Variants in SNTB1 observed in about 807,000 individuals in gnomAD.
The protein encoded by SNTB1 is syntrophin beta 1.
A neutral mutation model predicts 48.9 loss-of-function variants in SNTB1; 36 were observed. The ratio of observed to expected loss-of-function variants is 0.74; its 90% CI spans 0.56 to 0.97. The LOEUF (loss-of-function observed/expected upper bound fraction) is 0.97. SNTB1 is among the 50% of genes least tolerant of loss of function. The pLI, the probability that SNTB1 is intolerant of heterozygous loss-of-function variation, is 0.00. For synonymous variants in SNTB1, 299 were observed against 294.6 expected, an observed-to-expected ratio of 1.01 and a Z score of -0.15; for missense variants, 786 against 703.4, an observed-to-expected ratio of 1.12 and a Z score of -1.33.
intron 1 of SNTB1, among the ~76,000 whole-genome samples, chr8:120,748,913 C>T (rs73710058): frequency 0.13 from 19,767 of 152,170 alleles, 1,669 homozygotes; most frequent in African/African-American, 0.23. Context: ...CTAAATTTTT[C>T]TCTTCTACAA....
chr8:120,649,363 G>C (rs1399285756), intron 2 of SNTB1, among the ~76,000 whole-genome samples: 2 of 140,322 alleles, frequency 1.4e-5, no homozygotes, highest in Non-Finnish European at 3.1e-5. Context: ...TGTCCTTTCT[G>C]TTTGTTAGTT....
At chr8:120,647,015 C>T (rs190126037) in intron 2 of SNTB1, among the ~76,000 whole-genome samples, 4,439 of 150,808 alleles carry the variant, frequency 0.029, 191 homozygotes, top group African/African-American at 0.096. Context: ...GGTGATATCC[C>T]CTTTATCATT....
intron 3 of SNTB1, among the ~76,000 whole-genome samples, chr8:120,581,699 A>G (rs966169646): frequency 1.3e-5 from 2 of 152,212 alleles, no homozygotes; most frequent in African/African-American, 4.8e-5. Context: ...ATGGCAAGAA[A>G]AATATGGTCT....
chr8:120,561,224 G>A (rs936003984), intron 4 of SNTB1, among the ~76,000 whole-genome samples: 3 of 150,438 alleles, frequency 2.0e-5, no homozygotes, highest in African/African-American at 7.3e-5. Flanking sequence ...CTACTTAGGA[G>A]GCTGAGGATC....
intron 1 of SNTB1, among the ~76,000 whole-genome samples, chr8:120,736,429 C>T (rs1190276453): frequency 6.6e-6 from 1 of 152,114 alleles, no homozygotes; most frequent in African/African-American, 2.4e-5. Context: ...GTGAAGAGAA[C>T]TAAAAGTATG....
intron 2 of SNTB1, among the ~76,000 whole-genome samples, chr8:120,654,039 CAAAAAAAAAAAA>C (rs58873007): frequency 4.8e-4 from 12 of 25,176 alleles, no homozygotes; most frequent in South Asian, 2.9e-3. Flanking sequence ...GACTCTGCCT[CAAAAAAAAAAAA>C]AAAAAAAAAA....
At chr8:120,581,634 G>A (rs1427214396) in intron 3 of SNTB1, among the ~76,000 whole-genome samples, 2 of 152,018 alleles carry the variant, frequency 1.3e-5, no homozygotes, top group Non-Finnish European at 2.9e-5. Flanking sequence ...AATGAGTGAT[G>A]TATCATGTGG....
chr8:120,609,220 G>C (rs1158930842), intron 3 of SNTB1, among the ~76,000 whole-genome samples: 1 of 152,166 alleles, frequency 6.6e-6, no homozygotes, highest in Admixed American at 6.5e-5. Context: ...TTCCAGGCAA[G>C]AAAAAATATC....
chr8:120,547,549 G>A (rs905549416), intron 5 of SNTB1, among the ~76,000 whole-genome samples: 4 of 139,308 alleles, frequency 2.9e-5, no homozygotes, highest in African/African-American at 8.3e-5. Flanking sequence ...GTGAGATCAC[G>A]CTATTGTACT....
At chr8:120,607,883 A>T (rs1264244270) in intron 3 of SNTB1, among the ~76,000 whole-genome samples, 1 of 152,268 alleles carries the variant, frequency 6.6e-6, no homozygotes, top group South Asian at 2.1e-4. Context: ...GACCCTTGAA[A>T]GAATGCACAG....
chr8:120,697,976 T>C (rs1818239195), intron 1 of SNTB1, among the ~76,000 whole-genome samples: 2 of 152,050 alleles, frequency 1.3e-5, no homozygotes, highest in African/African-American at 4.8e-5. Flanking sequence ...ATGGAAAATA[T>C]GGGATAGAGA....
chr8:120,615,913 A>G (rs1816706849), intron 3 of SNTB1, among the ~76,000 whole-genome samples: 1 of 151,090 alleles, frequency 6.6e-6, no homozygotes, highest in Non-Finnish European at 1.5e-5. Flanking sequence ...TTCTCCCTTT[A>G]TCTTTTCTTC....
intron 1 of SNTB1, among the ~76,000 whole-genome samples, chr8:120,713,163 C>A (rs1818493694): frequency 6.6e-6 from 1 of 152,136 alleles, no homozygotes; most frequent in South Asian, 2.1e-4. Context: ...ATGGACAACT[C>A]ATTTCATCTT....
At chr8:120,665,984 G>A (rs1399432878) in intron 2 of SNTB1, among the ~76,000 whole-genome samples, 1 of 152,054 alleles carries the variant, frequency 6.6e-6, no homozygotes, top group Non-Finnish European at 1.5e-5. Flanking sequence ...AAAAAGACTA[G>A]AATGAAGTGG....
chr8:120,713,751 T>C (rs1385506710), intron 1 of SNTB1, among the ~76,000 whole-genome samples: 1 of 152,154 alleles, frequency 6.6e-6, no homozygotes, highest in Non-Finnish European at 1.5e-5. Context: ...AATTGAATCA[T>C]ACAATATGTA....
chr8:120,590,693 T>A (rs933747396), intron 3 of SNTB1, among the ~76,000 whole-genome samples: 1 of 149,190 alleles, frequency 6.7e-6, no homozygotes, highest in African/African-American at 2.5e-5. Context: ...TTCTTTTTTT[T>A]TTTTTTTGAG....
At chr8:120,660,730 C>T (rs564032468) in intron 2 of SNTB1, among the ~76,000 whole-genome samples, 12 of 152,314 alleles carry the variant, frequency 7.9e-5, no homozygotes, top group African/African-American at 2.9e-4. Context: ...TTTTGACATG[C>T]CTTCCTCACT....
intron 1 of SNTB1, among the ~76,000 whole-genome samples, chr8:120,696,486 C>T (rs982262033): frequency 6.6e-6 from 1 of 152,148 alleles, no homozygotes; most frequent in Non-Finnish European, 1.5e-5. Flanking sequence ...AGGTGCTTTA[C>T]ATATCTACCC....
At chr8:120,584,957 G>C (rs1369394366) in intron 3 of SNTB1, among the ~76,000 whole-genome samples, 1 of 152,164 alleles carries the variant, frequency 6.6e-6, no homozygotes, top group African/African-American at 2.4e-5. Context: ...CTAGGAGACA[G>C]GCATGGAACA....
Sources: gnomAD v4.1 joint callset for allele counts (sites outside exome capture counted in the v4.1 genomes callset) on GRCh38, gnomAD v4.1.1 for gene constraint, MANE v1.5 for transcripts, NCBI Gene and HGNC (gene_info 2026-07-23, HGNC 2026-07-21) for gene names.